The following ERC2 variants were observed in gnomAD, a reference collection of about 807,000 sequenced individuals.
ERC2 encodes the protein ELKS/RAB6-interacting/CAST family member 2, also known as ERC protein 2.
Under a neutral mutation model 114.8 loss-of-function variants are expected in ERC2, and 42 were observed. The observed-to-expected ratio is 0.37, with a 90% CI of 0.29 to 0.47. The LOEUF is 0.47. ERC2 is among the 20% of genes least tolerant of loss of function. The pLI, the probability that ERC2 is intolerant of heterozygous loss-of-function variation, is 0.99. For missense variants in ERC2, 939 were observed against 1,150.7 expected, an observed-to-expected ratio of 0.82 and a Z score of 2.66; for synonymous variants, 454 against 425.5, an observed-to-expected ratio of 1.07 and a Z score of -0.82.
At position 56,462,931 on chromosome 3, in the gene ERC2, T is replaced by TA. The variant is rs577969364; in HGVS notation, c.-141+5316dup. Reference sequence around the variant, plus strand: ...TTCCAGGCTCCAGCTTTGCCATTTGTAAGACACGATTTTGGCTGGGCATGG... The same window carrying TA: ...TTCCAGGCTCCAGCTTTGCCATTTGTAAAGACACGATTTTGGCTGGGCATGG... On this transcript the variant is annotated intron_variant, in intron 1 of 17. Coordinates refer to ENST00000288221, the MANE Select transcript of ERC2 (RefSeq NM_015576.3). Among the ~76,000 whole-genome samples the TA allele has an allele frequency of 1.8e-3, 275 of 152,288 alleles. 1 individual carries two copies. Among genetic ancestry groups the TA allele is most frequent in the African/African-American group, 6.5e-3 (271 of 41,554 alleles).
In ERC2 at chr3:56,115,811, C is replaced by T. The variant is rs866076671; in HGVS notation, c.1473+23698G>A. 7.2e-5 allele frequency among the ~76,000 whole-genome samples: 11 copies of T among 152,044 alleles called. 1 individual carries two copies. In the South Asian group the frequency reaches 2.1e-3, roughly 29 times the overall value. On this transcript the variant is annotated intron_variant, in intron 6 of 17. Transcript: ENST00000288221. ...TACAAGGGACTCACCTTTTAGCATGCCTTTCATATGCAAGCCAACCATCCA... is the reference window on the plus strand; with the variant it reads ...TACAAGGGACTCACCTTTTAGCATGTCTTTCATATGCAAGCCAACCATCCA...
chr3:55,687,163 GATGAC>G (rs1332836121), intron 16 of ERC2, among the ~76,000 whole-genome samples: 1 of 152,168 alleles, frequency 6.6e-6, no homozygotes, highest in African/African-American at 2.4e-5. Flanking sequence ...CGGCTATGTT[GATGAC>G]AAGCTCTAAA....
chr3:55,910,000 A>G (rs2064704290), intron 13 of ERC2, among the ~76,000 whole-genome samples: 1 of 152,212 alleles, frequency 6.6e-6, no homozygotes, highest in Non-Finnish European at 1.5e-5. Flanking sequence ...TCTCACATAC[A>G]TATACGTTAT....
At chr3:56,284,627 G>C (rs958482621) in intron 3 of ERC2, among the ~76,000 whole-genome samples, 1 of 152,148 alleles carries the variant, frequency 6.6e-6, no homozygotes, top group African/African-American at 2.4e-5. Context: ...AGGCCATTTA[G>C]GGAAAAGCAG....
Position 56,221,568 on chromosome 3 carries a change from G to A in ERC2, c.1075-48048C>T, listed in dbSNP as rs188626603. 8.5e-5 allele frequency among the ~76,000 whole-genome samples: 13 copies of A among 152,234 alleles called. No homozygotes were observed. The East Asian group carries it at 2.5e-3, about 29-fold the overall frequency. The stretch of plus-strand genomic sequence containing the variant: ...CCAAAGCCACACTCAATTCCAAGGT[G>A]TACTACCTACCTCCATGTAAACATC... On this transcript the variant is annotated intron_variant, in intron 3 of 17. Transcript: ENST00000288221.
chr3:56,468,020 C>A (rs1426095134), intron 1 of ERC2, among the ~76,000 whole-genome samples: 1 of 152,082 alleles, frequency 6.6e-6, no homozygotes, highest in African/African-American at 2.4e-5. Context: ...TGCACTTGTT[C>A]CAATCCGGGG....
At chr3:56,151,274 C>T (rs2081398503) in intron 4 of ERC2, among the ~76,000 whole-genome samples, 2 of 152,174 alleles carry the variant, frequency 1.3e-5, no homozygotes, top group African/African-American at 2.4e-5. Context: ...ACCATGTTGG[C>T]CAGGCTACTC....
intron 11 of ERC2, among the ~76,000 whole-genome samples, chr3:55,988,988 T>C (rs554376954): frequency 6.6e-6 from 1 of 152,296 alleles, no homozygotes; most frequent in East Asian, 1.9e-4. Flanking sequence ...GCTGAGCCCT[T>C]TTTTTCCCAA....
chr3:55,995,671 G>T (rs1412589519), intron 10 of ERC2, among the ~76,000 whole-genome samples: 1 of 152,100 alleles, frequency 6.6e-6, no homozygotes, highest in East Asian at 1.9e-4. Context: ...TTAGGTATTG[G>T]AGGCAAAAGC....
intron 3 of ERC2, among the ~76,000 whole-genome samples, chr3:56,283,435 A>C (rs1320782271): frequency 2.6e-5 from 4 of 152,222 alleles, no homozygotes; most frequent in Non-Finnish European, 5.9e-5. Context: ...GTTCAAGATC[A>C]GCCTGGGCAA....
chr3:55,543,126 T>C (rs937166349), intron 17 of ERC2, among the ~76,000 whole-genome samples: 1 of 152,136 alleles, frequency 6.6e-6, no homozygotes, highest in Non-Finnish European at 1.5e-5. Context: ...TGTCCTTCCA[T>C]CTATCCCTGA....
chr3:55,576,947 T>G (rs1173362948), intron 17 of ERC2, among the ~76,000 whole-genome samples: 1 of 152,082 alleles, frequency 6.6e-6, no homozygotes, highest in Non-Finnish European at 1.5e-5. Flanking sequence ...CAGAGGAGAG[T>G]CTTGCCGTGC....
chr3:55,757,247 T>C (rs1430915208), intron 14 of ERC2, among the ~76,000 whole-genome samples: 2 of 152,164 alleles, frequency 1.3e-5, no homozygotes, highest in African/African-American at 4.8e-5. Flanking sequence ...AATATGTAAG[T>C]TGTTCTGGAA....
chr3:56,230,151 C>T (rs1185447675), intron 3 of ERC2, among the ~76,000 whole-genome samples: 11 of 152,018 alleles, frequency 7.2e-5, no homozygotes. Flanking sequence ...CAGGCATGAG[C>T]AACCATGCCT....
intron 6 of ERC2, among the ~76,000 whole-genome samples, chr3:56,112,792 G>A (rs1293312431): frequency 5.9e-5 from 9 of 152,076 alleles, no homozygotes; most frequent in African/African-American, 2.2e-4. Flanking sequence ...CCGAAGAGAG[G>A]AGGAGCCAGT....
At chr3:56,161,955 T>G (rs988147235) in intron 4 of ERC2, among the ~76,000 whole-genome samples, 1 of 152,182 alleles carries the variant, frequency 6.6e-6, no homozygotes, top group Non-Finnish European at 1.5e-5. Flanking sequence ...CATCCTTGTC[T>G]TGTTTCAGTT....
chr3:56,235,108 G>A (rs142892807), intron 3 of ERC2, among the ~76,000 whole-genome samples: 1 of 152,112 alleles, frequency 6.6e-6, no homozygotes, highest in Non-Finnish European at 1.5e-5. Flanking sequence ...AGCCTTCCCT[G>A]TCCAGAGTCC....
intron 3 of ERC2, among the ~76,000 whole-genome samples, chr3:56,278,597 G>C (rs1023944161): frequency 6.6e-6 from 1 of 152,190 alleles, no homozygotes; most frequent in African/African-American, 2.4e-5. Flanking sequence ...TTGCTATCAA[G>C]AAATACCTGA....
chr3:55,947,445 G>A (rs1016981636), intron 13 of ERC2, among the ~76,000 whole-genome samples: 1 of 152,212 alleles, frequency 6.6e-6, no homozygotes, highest in Non-Finnish European at 1.5e-5. Context: ...TGTGAGTCAA[G>A]TGAACTTTTC....
Sources: allele counts gnomAD v4.1 joint callset (sites outside exome capture counted in the v4.1 genomes callset), GRCh38; gene constraint gnomAD v4.1.1; transcripts MANE v1.5; gene names NCBI Gene and HGNC (gene_info 2026-07-23, HGNC 2026-07-21).